Variants in STK39 observed in about 807,000 individuals in gnomAD.
The protein encoded by STK39 is serine/threonine kinase 39, also known as STE20/SPS1-related proline-alanine-rich protein kinase.
In STK39, 20 loss-of-function variants were observed where a neutral mutation model predicts 77.8. The ratio of observed to expected loss-of-function variants is 0.26; its 90% CI spans 0.18 to 0.37. The LOEUF is 0.37. Ranked by LOEUF, STK39 falls within the 10% of genes least tolerant of loss-of-function variation. STK39 has a pLI of 1.00. For missense variants in STK39, 479 were observed against 656.5 expected (o/e 0.73, Z 2.95); for synonymous variants, 246 against 234.1 (o/e 1.05, Z -0.47).
intron 10 of STK39, among the ~76,000 whole-genome samples, chr2:168,114,445 A>G (rs1438077610): frequency 6.6e-6 from 1 of 152,210 alleles, no homozygotes; most frequent in Non-Finnish European, 1.5e-5. Context: ...AATCTCTGTT[A>G]TAATCTGCAT....
intron 17 of STK39, among the ~76,000 whole-genome samples, chr2:167,957,060 CA>C (rs1170723549): frequency 6.6e-6 from 1 of 151,392 alleles, no homozygotes. Context: ...TTGAACTGTT[CA>C]AAAAAACAGT....
chr2:167,990,029 T>TCA (rs1559046783), intron 16 of STK39, among the ~76,000 whole-genome samples: 9 of 151,802 alleles, frequency 5.9e-5, no homozygotes, highest in African/African-American at 4.8e-5. Flanking sequence ...CATCATCATC[T>TCA]TCAAATGGTT....
chr2:168,085,667 G>A (rs766862228), intron 10 of STK39, among the ~76,000 whole-genome samples: 1 of 152,196 alleles, frequency 6.6e-6, no homozygotes, highest in Non-Finnish European at 1.5e-5. Flanking sequence ...GTAAGTTGTT[G>A]TGGCCAGAGC....
intron 1 of STK39, among the ~76,000 whole-genome samples, chr2:168,221,473 T>C (rs1294802104): frequency 6.6e-6 from 1 of 152,226 alleles, no homozygotes; most frequent in Non-Finnish European, 1.5e-5. Context: ...ATGAAAACAT[T>C]AGTCCTGTCT....
intron 16 of STK39, among the ~76,000 whole-genome samples, chr2:167,998,590 A>C (rs531779319): frequency 2.6e-5 from 4 of 151,678 alleles, no homozygotes; most frequent in South Asian, 4.2e-4. Flanking sequence ...AATATAAAGA[A>C]GATGCCCGTG....
At chr2:168,165,891 A>T (rs1227034234) in intron 3 of STK39, among the ~76,000 whole-genome samples, 1 of 152,184 alleles carries the variant, frequency 6.6e-6, no homozygotes, top group Non-Finnish European at 1.5e-5. Flanking sequence ...AGGCACAGCA[A>T]AATGTTCTCC....
intron 14 of STK39, among the ~76,000 whole-genome samples, chr2:168,032,886 T>C (rs1476566188): frequency 6.6e-6 from 1 of 152,248 alleles, no homozygotes; most frequent in East Asian, 1.9e-4. Flanking sequence ...TCTGTCAACT[T>C]TAATTTAAGA....
intron 16 of STK39, among the ~76,000 whole-genome samples, chr2:167,983,190 A>G (rs960133697): frequency 5.3e-5 from 8 of 152,128 alleles, no homozygotes; most frequent in African/African-American, 1.9e-4. Flanking sequence ...TAGAAATTGT[A>G]GGAAATAGGC....
intron 17 of STK39, among the ~76,000 whole-genome samples, chr2:167,958,157 T>A (rs1466286272): frequency 6.6e-6 from 1 of 152,236 alleles, no homozygotes; most frequent in Non-Finnish European, 1.5e-5. Flanking sequence ...TAGGATCTCT[T>A]GATACTCTTC....
chr2:168,167,496 C>G, intron 2 of STK39, 89 bp from the exon 3 acceptor site: 1 of 1,167,044 alleles, frequency 8.6e-7, no homozygotes, highest in Non-Finnish European at 1.3e-6. Context: ...ACCTGGGTAA[C>G]TTTCCTACTC....
At chr2:168,242,559 AAATAT>A (rs1202021580) in intron 1 of STK39, among the ~76,000 whole-genome samples, 21 of 54,198 alleles carry the variant, frequency 3.9e-4, no homozygotes, top group African/African-American at 1.4e-3. Context: ...AAAAAAAAAA[AAATAT>A]ATATATATAT....
chr2:168,016,824 G>A (rs1684421411), intron 15 of STK39, among the ~76,000 whole-genome samples: 1 of 152,146 alleles, frequency 6.6e-6, no homozygotes, highest in South Asian at 2.1e-4. Flanking sequence ...ATATTGGTAT[G>A]TATACTGTGC....
At chr2:168,175,248 A>T (rs11896742) in intron 2 of STK39, among the ~76,000 whole-genome samples, 42,640 of 152,092 alleles carry the variant, frequency 0.28, 6,915 homozygotes, top group East Asian at 0.56. Flanking sequence ...TCTAGAAGAA[A>T]GGCAAAAGTG....
chr2:168,234,758 ATAAG>A (rs1267776039), intron 1 of STK39, among the ~76,000 whole-genome samples: 1 of 152,232 alleles, frequency 6.6e-6, no homozygotes, highest in Non-Finnish European at 1.5e-5. Flanking sequence ...AGAAATAAAT[ATAAG>A]TAAATAAAAA....
chr2:168,148,926 C>T (rs1434556972), intron 5 of STK39, among the ~76,000 whole-genome samples: 6 of 152,178 alleles, frequency 3.9e-5, no homozygotes, highest in Non-Finnish European at 8.8e-5. Flanking sequence ...ACTCCCTGCT[C>T]GTTTCCTTCT....
At chr2:168,079,821 GGATTTTACATGT>G (rs1354668992) in intron 10 of STK39, among the ~76,000 whole-genome samples, 5 of 152,140 alleles carry the variant, frequency 3.3e-5, no homozygotes. Flanking sequence ...TATGTTCTAC[GGATTTTACATGT>G]ATTAACTAAT....
intron 3 of STK39, among the ~76,000 whole-genome samples, chr2:168,165,630 A>T (rs1688676135): frequency 6.6e-6 from 1 of 151,238 alleles, no homozygotes; most frequent in East Asian, 1.9e-4. Flanking sequence ...GCACTCAAGG[A>T]AACAATGACT....
At chr2:168,051,774 T>C (rs1685401068) in intron 14 of STK39, among the ~76,000 whole-genome samples, 1 of 152,050 alleles carries the variant, frequency 6.6e-6, no homozygotes, top group African/African-American at 2.4e-5. Flanking sequence ...ACTCTTAAGG[T>C]TGATATTGGC....
At chr2:168,129,307 G>A (rs530869228) in intron 10 of STK39, among the ~76,000 whole-genome samples, 111 of 152,268 alleles carry the variant, frequency 7.3e-4, no homozygotes, top group African/African-American at 2.6e-3. Flanking sequence ...TTTAAGCAAA[G>A]CTGATAAAGG....
Sources: gnomAD v4.1 joint callset for allele counts (sites outside exome capture counted in the v4.1 genomes callset) on GRCh38, gnomAD v4.1.1 for gene constraint, MANE v1.5 for transcripts, NCBI Gene and HGNC (gene_info 2026-07-23, HGNC 2026-07-21) for gene names.